Variants in ULK4 observed in about 807,000 individuals in gnomAD.
ULK4 encodes unc-51 like kinase 4.
A neutral mutation model predicts 160.6 loss-of-function variants in ULK4; 133 were observed. The observed-to-expected ratio is 0.83, with a 90% CI of 0.72 to 0.96. ULK4 has a LOEUF of 0.96. ULK4 is among the 40% of genes least tolerant of loss of function. ULK4 has a pLI of 0.00. For missense variants in ULK4, 1,580 were observed against 1,499.5 expected (o/e 1.05, Z -0.89); for synonymous variants, 534 against 539.8 (o/e 0.99, Z 0.15).
chr3:41,957,265 C>A (rs552268984), intron 1 of ULK4, among the ~76,000 whole-genome samples: 1 of 151,614 alleles, frequency 6.6e-6, no homozygotes, highest in South Asian at 2.1e-4. Context: ...ACCAGCCTGA[C>A]CAACATGGCA....
chr3:41,562,251 T>C (rs1242159172), intron 32 of ULK4, among the ~76,000 whole-genome samples: 6 of 152,218 alleles, frequency 3.9e-5, no homozygotes, highest in Non-Finnish European at 5.9e-5. Context: ...TCTGTTCTTC[T>C]ACATTTGCTG....
chr3:41,642,018 G>A (rs1046887045), intron 30 of ULK4, among the ~76,000 whole-genome samples: 8 of 151,772 alleles, frequency 5.3e-5, no homozygotes, highest in Non-Finnish European at 1.0e-4. Flanking sequence ...TGGAATTACA[G>A]GCACATGCAA....
intron 22 of ULK4, among the ~76,000 whole-genome samples, chr3:41,740,206 C>T (rs1207729399): frequency 1.3e-5 from 2 of 151,746 alleles, no homozygotes; most frequent in African/African-American, 2.4e-5. Flanking sequence ...ATAATTTTTC[C>T]CCACACAGTT....
intron 35 of ULK4, among the ~76,000 whole-genome samples, chr3:41,314,088 T>C (rs1007798599): frequency 1.3e-5 from 2 of 152,192 alleles, no homozygotes; most frequent in African/African-American, 4.8e-5. Context: ...ATGTGCCAGC[T>C]GATGTCCTGT....
chr3:41,873,431 T>A (rs1026607055), intron 17 of ULK4, among the ~76,000 whole-genome samples: 6 of 152,258 alleles, frequency 3.9e-5, no homozygotes, highest in African/African-American at 1.4e-4. Context: ...ATTTCAGGAT[T>A]TTAGCTGCCG....
chr3:41,846,129 C>T (rs2042063601), intron 17 of ULK4, among the ~76,000 whole-genome samples: 1 of 152,168 alleles, frequency 6.6e-6, no homozygotes, highest in Non-Finnish European at 1.5e-5. Flanking sequence ...AGTAATGCCA[C>T]AGCAACCTCA....
At chr3:41,468,004 T>C (rs1363463625) in intron 32 of ULK4, among the ~76,000 whole-genome samples, 1 of 152,194 alleles carries the variant, frequency 6.6e-6, no homozygotes, top group Non-Finnish European at 1.5e-5. Flanking sequence ...TTCAGGAAGA[T>C]AAATAAAGCA....
At chr3:41,551,447 G>A (rs1203491942) in intron 32 of ULK4, among the ~76,000 whole-genome samples, 2 of 151,754 alleles carry the variant, frequency 1.3e-5, no homozygotes, top group Non-Finnish European at 2.9e-5. Context: ...AAACATTACT[G>A]CTGCTATAGA....
intron 35 of ULK4, among the ~76,000 whole-genome samples, chr3:41,323,503 T>C (rs2080285996): frequency 6.6e-6 from 1 of 151,602 alleles, no homozygotes; most frequent in Non-Finnish European, 1.5e-5. Flanking sequence ...AATTTAGCTA[T>C]ACAACAGAGA....
intron 19 of ULK4, among the ~76,000 whole-genome samples, chr3:41,809,063 T>C (rs1575746627): frequency 6.6e-6 from 1 of 151,256 alleles, no homozygotes; most frequent in South Asian, 2.1e-4. Context: ...CTACTCAGGA[T>C]GCTGAGGCAG....
intron 35 of ULK4, among the ~76,000 whole-genome samples, chr3:41,254,119 A>G (rs1431924928): frequency 2.0e-5 from 3 of 152,212 alleles, no homozygotes; most frequent in Non-Finnish European, 4.4e-5. Flanking sequence ...ATACAGAAGA[A>G]CTGAGGAACC....
intron 30 of ULK4, among the ~76,000 whole-genome samples, chr3:41,661,129 T>C (rs776518851): frequency 1.3e-5 from 2 of 152,194 alleles, no homozygotes; most frequent in Non-Finnish European, 2.9e-5. Context: ...CTGTGTACCT[T>C]TACACTTTAA....
chr3:41,280,246 T>A (rs1202087980), intron 35 of ULK4, among the ~76,000 whole-genome samples: 1 of 152,154 alleles, frequency 6.6e-6, no homozygotes, highest in African/African-American at 2.4e-5. Flanking sequence ...ATTAGACAGA[T>A]CAACGAGACA....
chr3:41,634,590 G>C (rs2033877436), intron 30 of ULK4, among the ~76,000 whole-genome samples: 1 of 152,178 alleles, frequency 6.6e-6, no homozygotes, highest in African/African-American at 2.4e-5. Flanking sequence ...ATGTCTGCAT[G>C]GTCCCTTTAG....
chr3:41,622,390 C>G (rs2033290191), intron 30 of ULK4, among the ~76,000 whole-genome samples: 1 of 152,106 alleles, frequency 6.6e-6, no homozygotes, highest in African/African-American at 2.4e-5. Context: ...GAAAATGTGG[C>G]TCATATACAC....
chr3:41,763,822 T>A (rs1311895516), intron 21 of ULK4, among the ~76,000 whole-genome samples: 3 of 152,258 alleles, frequency 2.0e-5, no homozygotes, highest in African/African-American at 7.2e-5. Context: ...TCCATCAATA[T>A]ATGAAAGCTT....
chr3:41,793,187 A>AC (rs1160021371), intron 20 of ULK4, among the ~76,000 whole-genome samples: 1 of 71,732 alleles, frequency 1.4e-5, no homozygotes, highest in Non-Finnish European at 2.5e-5. Context: ...AAAAAAACCA[A>AC]CAAAAAAAAA....
chr3:41,394,084 A>G (rs1196091436), intron 35 of ULK4, among the ~76,000 whole-genome samples: 1 of 152,198 alleles, frequency 6.6e-6, no homozygotes, highest in Non-Finnish European at 1.5e-5. Context: ...TACCACAAGT[A>G]GTAACCAACA....
At chr3:41,857,189 G>A (rs1324575534) in intron 17 of ULK4, among the ~76,000 whole-genome samples, 4 of 151,990 alleles carry the variant, frequency 2.6e-5, no homozygotes, top group Non-Finnish European at 5.9e-5. Context: ...CACAAACCTG[G>A]TTTCTGTAGA....
Sources: allele counts gnomAD v4.1 joint callset (sites outside exome capture counted in the v4.1 genomes callset), GRCh38; gene constraint gnomAD v4.1.1; transcripts MANE v1.5; gene names NCBI Gene and HGNC (gene_info 2026-07-23, HGNC 2026-07-21).